The following FIRRM variants were observed in gnomAD, a reference collection of about 807,000 sequenced individuals.
FIRRM encodes the protein FIGNL1-interacting regulator of recombination and mitosis.
the FIRRM span, among the ~76,000 whole-genome samples, chr1:169,808,783 G>C: frequency 6.6e-6 from 1 of 151,978 alleles, no homozygotes; most frequent in Non-Finnish European, 1.5e-5. Context: ...TTTTTTAGTA[G>C]AGACGGGGTT....
the FIRRM span, among the ~76,000 whole-genome samples, chr1:169,828,018 T>C: frequency 6.6e-6 from 1 of 152,136 alleles, no homozygotes; most frequent in African/African-American, 2.4e-5. Context: ...ATATAAAATA[T>C]ATAAACCTAT....
At chr1:169,800,988 T>C in the FIRRM span, 105 of 1,273,174 alleles carry the variant, frequency 8.2e-5, no homozygotes, top group Middle Eastern at 7.5e-4. Context: ...TACTATTACC[T>C]GAAAATACAT....
the FIRRM span, among the ~76,000 whole-genome samples, chr1:169,844,603 G>C: frequency 6.6e-6 from 1 of 152,176 alleles, no homozygotes; most frequent in Non-Finnish European, 1.5e-5. Context: ...TGTATATGAA[G>C]AAGTTAGCAA....
the FIRRM span, chr1:169,843,726 T>G: frequency 3.1e-6 from 5 of 1,612,858 alleles, no homozygotes; most frequent in Admixed American, 8.3e-5. Context: ...CTTCCACTGT[T>G]GGGATTTTTC....
At chr1:169,785,589 G>A in the FIRRM span, among the ~76,000 whole-genome samples, 2 of 152,132 alleles carry the variant, frequency 1.3e-5, no homozygotes, top group South Asian at 4.1e-4. Flanking sequence ...GCCTCTCGAC[G>A]TTCAGATGCT....
chr1:169,810,942 C>T, the FIRRM span, among the ~76,000 whole-genome samples: 1 of 144,218 alleles, frequency 6.9e-6, no homozygotes, highest in Admixed American at 7.3e-5. Flanking sequence ...TCACTGCAAG[C>T]TCCGCTTCCC....
the FIRRM span, chr1:169,836,991 C>T: frequency 6.2e-7 from 1 of 1,613,746 alleles, no homozygotes; most frequent in Non-Finnish European, 8.5e-7. Flanking sequence ...CAACATATTT[C>T]CTTCCAGGCG....
chr1:169,811,524 A>G, the FIRRM span, among the ~76,000 whole-genome samples: 8 of 152,112 alleles, frequency 5.3e-5, no homozygotes, highest in African/African-American at 1.9e-4. Context: ...GCCTCATGGC[A>G]CATACCTGTA....
the FIRRM span, among the ~76,000 whole-genome samples, chr1:169,799,276 A>T: frequency 2.6e-5 from 4 of 152,368 alleles, no homozygotes; most frequent in South Asian, 8.3e-4. Context: ...CTGAATAGCT[A>T]TCAGCCTCTA....
chr1:169,838,278 A>G, the FIRRM span, among the ~76,000 whole-genome samples: 2 of 152,180 alleles, frequency 1.3e-5, no homozygotes, highest in African/African-American at 4.8e-5. Flanking sequence ...TTATTTTAGA[A>G]AAAGTATCAA....
the FIRRM span, chr1:169,803,342 A>G: frequency 6.2e-7 from 1 of 1,603,038 alleles, no homozygotes; most frequent in Non-Finnish European, 8.5e-7. Context: ...TTTGAATGGT[A>G]TATAATCAAT....
the FIRRM span, chr1:169,793,746 A>T: frequency 1.4e-6 from 2 of 1,481,376 alleles, no homozygotes; most frequent in Non-Finnish European, 1.8e-6. Context: ...CAACTTCTGG[A>T]TAGAATTTGA....
At chr1:169,815,406 A>G in the FIRRM span, among the ~76,000 whole-genome samples, 12 of 152,094 alleles carry the variant, frequency 7.9e-5, no homozygotes, top group Non-Finnish European at 2.9e-5. Flanking sequence ...ATGCTAAACA[A>G]GGGGTAGATT....
chr1:169,807,998 T>G, the FIRRM span: 6 of 1,429,660 alleles, frequency 4.2e-6, no homozygotes, highest in Non-Finnish European at 4.8e-6. Flanking sequence ...AAATCTCATT[T>G]GAATGTCTGG....
At chr1:169,797,070 G>A in the FIRRM span, among the ~76,000 whole-genome samples, 1 of 152,206 alleles carries the variant, frequency 6.6e-6, no homozygotes, top group Non-Finnish European at 1.5e-5. Context: ...ATGTTGCAAA[G>A]TTCATAAAGG....
At chr1:169,849,870 T>A in the FIRRM span, 1 of 492,054 alleles carries the variant, frequency 2.0e-6, no homozygotes, top group Non-Finnish European at 3.6e-6. Context: ...ACAGACACAG[T>A]CTTCCAGCAG....
the FIRRM span, among the ~76,000 whole-genome samples, chr1:169,840,499 CTTTTCTT>C: frequency 2.7e-5 from 4 of 149,110 alleles, no homozygotes; most frequent in African/African-American, 4.9e-5. Flanking sequence ...GGATCGTGTT[CTTTTCTT>C]TTTTCTTTTT....
the FIRRM span, chr1:169,795,303 G>T: frequency 6.9e-7 from 1 of 1,454,942 alleles, no homozygotes; most frequent in East Asian, 2.5e-5. Flanking sequence ...CCACCGCCAG[G>T]CTGGGTTATA....
the FIRRM span, chr1:169,843,720 C>CAG: frequency 6.2e-7 from 1 of 1,612,882 alleles, no homozygotes; most frequent in African/African-American, 1.3e-5. Flanking sequence ...CTTTTACTTC[C>CAG]ACTGTTGGGA....
Sources: gnomAD v4.1 joint callset for allele counts (sites outside exome capture counted in the v4.1 genomes callset) on GRCh38, gnomAD v4.1.1 for gene constraint, MANE v1.5 for transcripts, NCBI Gene and HGNC (gene_info 2026-07-23, HGNC 2026-07-21) for gene names.